The following SP140 variants were observed in gnomAD, a reference collection of about 807,000 sequenced individuals.
SP140 encodes the protein SP140 nuclear body protein, also known as nuclear body protein SP140.
Under a neutral mutation model 125.0 loss-of-function variants are expected in SP140, and 81 were observed. The ratio of observed to expected loss-of-function variants is 0.65; its 90% CI spans 0.54 to 0.78. The LOEUF is 0.78. SP140 is among the 30% of genes least tolerant of loss of function. The pLI, the probability that SP140 is intolerant of heterozygous loss-of-function variation, is 0.00. For synonymous variants in SP140, 312 were observed against 354.0 expected, an observed-to-expected ratio of 0.88 and a Z score of 1.33; for missense variants, 858 against 1,037.0, an observed-to-expected ratio of 0.83 and a Z score of 2.37.
rs1401787037 is a variant in SP140, at chr2:230,310,735, T to C, written c.2175-8T>C. On this transcript the variant is annotated splice_polypyrimidine_tract_variant and splice_region_variant and intron_variant, in intron 23 of 26. Transcript: ENST00000392045. ...CTGCCCTCTGCTCACCCATGTCCAA[T>C]CTCTCAGGACCCCGTGGAATTGCAT... The C allele has an allele frequency of 1.3e-6, 2 of 1,499,600 alleles. No homozygotes were observed. Among genetic ancestry groups the C allele is most frequent in the East Asian group, 2.4e-5 (1 of 41,602 alleles). 92.9% of individuals were successfully genotyped at this position (1,499,600 alleles called of 1,614,324 possible). A position where few individuals can be genotyped will look rare whatever the true frequency, so the allele number is the denominator to read the frequency against.
intron 3 of SP140, chr2:230,238,717 A>G (rs1486115544): frequency 7.1e-7 from 1 of 1,409,268 alleles, no homozygotes; most frequent in Non-Finnish European, 9.8e-7. Context: ...CTTCTCTGAT[A>G]TTTGCAGATA....
At chr2:230,200,032 G>C (rs2043061621), upstream of SP140, among the ~76,000 whole-genome samples, 1 of 152,086 alleles carries the variant, frequency 6.6e-6, no homozygotes, top group Non-Finnish European at 1.5e-5. Flanking sequence ...TCTTCTCCAA[G>C]GGTGGTTGTG....
intron 15 of SP140, among the ~76,000 whole-genome samples, chr2:230,274,762 T>G (rs1314672397): frequency 1.3e-5 from 2 of 152,168 alleles, no homozygotes; most frequent in Non-Finnish European, 2.9e-5. Flanking sequence ...TACACCTTTA[T>G]GCTTTTTTTT....
chr2:230,255,342 G>T, intron 11 of SP140, 110 bp from the exon 12 acceptor site: 1 of 1,280,970 alleles, frequency 7.8e-7, no homozygotes, highest in South Asian at 1.3e-5. Flanking sequence ...GTGGGGGACA[G>T]CCCTACCTGA....
intron 1 of SP140, among the ~76,000 whole-genome samples, chr2:230,229,957 T>C (rs2047014275): frequency 6.6e-6 from 1 of 152,108 alleles, no homozygotes; most frequent in African/African-American, 2.4e-5. Context: ...CCCTACCCCC[T>C]GGCTTTTTTC....
intron 18 of SP140, 52 bp from the exon 19 acceptor site, chr2:230,290,408 G>C: frequency 6.6e-7 from 1 of 1,515,878 alleles, no homozygotes; most frequent in Non-Finnish European, 9.1e-7. Flanking sequence ...CAGTAGGGAG[G>C]GGGGACGTGC....
At chr2:230,216,849 T>C (rs1057277804) in intron 3 of SP140, 4 of 1,613,972 alleles carry the variant, frequency 2.5e-6, no homozygotes, top group African/African-American at 1.3e-5. Flanking sequence ...GGCTTGTGTA[T>C]GGCATAGGCG....
chr2:230,278,523 T>A (rs1237724032), intron 15 of SP140, among the ~76,000 whole-genome samples: 2 of 152,098 alleles, frequency 1.3e-5, no homozygotes, highest in East Asian at 3.8e-4. Context: ...CACTTGTTTA[T>A]TTTTGCTTTT....
At chr2:230,203,763 TG>T (rs1458802211) in intron 1 of SP140, 5 of 152,254 alleles carry the variant, frequency 3.3e-5, no homozygotes, top group African/African-American at 1.2e-4. Context: ...TTATGTGTTT[TG>T]TTTTGTAAAA....
chr2:230,218,770 T>G (rs1291786414), intron 3 of SP140, among the ~76,000 whole-genome samples: 1 of 152,242 alleles, frequency 6.6e-6, no homozygotes, highest in Non-Finnish European at 1.5e-5. Context: ...CATATATGAC[T>G]GTTCAGATTT....
intron 8 of SP140, 79 bp from the exon 9 acceptor site, chr2:230,248,806 C>T: frequency 8.7e-7 from 1 of 1,150,234 alleles, no homozygotes; most frequent in East Asian, 2.4e-5. Context: ...AGCATTTGCC[C>T]ATCTTGGATG....
chr2:230,300,564 A>G (rs2058193857), intron 22 of SP140, among the ~76,000 whole-genome samples: 1 of 152,108 alleles, frequency 6.6e-6, no homozygotes, highest in Admixed American at 6.5e-5. Flanking sequence ...CAATCACAGC[A>G]GTTTGGCTCT....
At chr2:230,283,615 T>A (rs1362399589) in intron 15 of SP140, among the ~76,000 whole-genome samples, 2 of 152,188 alleles carry the variant, frequency 1.3e-5, no homozygotes, top group Non-Finnish European at 2.9e-5. Flanking sequence ...GATCCCTTTC[T>A]GGAGATTGCT....
At chr2:230,300,374 A>C (rs562254337) in intron 22 of SP140, among the ~76,000 whole-genome samples, 1 of 152,166 alleles carries the variant, frequency 6.6e-6, no homozygotes, top group Non-Finnish European at 1.5e-5. Context: ...ACAAAACTAC[A>C]ATCAAGGACT....
rs183530684 is a variant in SP140, at chr2:230,220,277, A to G, written c.-90-5478A>G. On this transcript the variant is annotated intron_variant, in intron 3 of 4. Coordinates refer to the SP140 transcript ENST00000456542. The stretch of plus-strand genomic sequence containing the variant: ...TCCAAATGCTTCCCTAACCACATCT[A>G]TTTTCCCATGACTTGTCCTCATTCT... 2.8e-4 allele frequency among the ~76,000 whole-genome samples: 43 copies of G among 151,992 alleles called. 1 individual carries two copies. In the East Asian group the frequency reaches 7.9e-3, roughly 28 times the overall value.
intron 1 of SP140, among the ~76,000 whole-genome samples, chr2:230,210,763 C>T (rs1057160719): frequency 6.6e-6 from 1 of 152,208 alleles, no homozygotes; most frequent in Non-Finnish European, 1.5e-5. Flanking sequence ...TGAGATTGGT[C>T]TCAAATGCTG....
chr2:230,187,616 T>G, the SP140 span, among the ~76,000 whole-genome samples: 345 of 152,260 alleles, frequency 2.3e-3, 3 homozygotes, highest in African/African-American at 7.8e-3. Context: ...AGAATTTTTC[T>G]GGTTTCAGGT....
chr2:230,248,786 G>C, intron 8 of SP140, 99 bp from the exon 9 acceptor site: 1 of 891,004 alleles, frequency 1.1e-6, no homozygotes, highest in South Asian at 1.4e-5. Context: ...ACAAGACAGG[G>C]GTGGCTCTCA....
chr2:230,228,035 A>G (rs555089959), intron 1 of SP140, among the ~76,000 whole-genome samples: 3 of 152,090 alleles, frequency 2.0e-5, no homozygotes, highest in Admixed American at 1.3e-4. Context: ...TTTCTATTGT[A>G]TGCATTTAAT....
Sources: gnomAD v4.1 joint callset for allele counts (sites outside exome capture counted in the v4.1 genomes callset) on GRCh38, gnomAD v4.1.1 for gene constraint, MANE v1.5 for transcripts, NCBI Gene and HGNC (gene_info 2026-07-23, HGNC 2026-07-21) for gene names.